The following UNC79 variants were observed in gnomAD, a reference collection of about 807,000 sequenced individuals.
The protein encoded by UNC79 is unc-79 subunit of NALCN channel complex.
UNC79 carries 37 observed loss-of-function variants against 283.1 expected under a neutral mutation model. The observed-to-expected ratio is 0.13, with a 90% CI of 0.10 to 0.17. The LOEUF (loss-of-function observed/expected upper bound fraction) is 0.17, where lower values mean the gene tolerates loss of function less well. Ranked by LOEUF, UNC79 falls within the 10% of genes least tolerant of loss-of-function variation. UNC79 has a pLI of 1.00. For synonymous variants in UNC79, 1,107 were observed against 1,200.2 expected (o/e 0.92, Z 1.61); for missense variants, 2,272 against 3,211.1 (o/e 0.71, Z 7.07).
At chr14:93,614,182 G>A (rs1159549131) in intron 27 of UNC79, among the ~76,000 whole-genome samples, 1 of 151,954 alleles carries the variant, frequency 6.6e-6, no homozygotes, top group East Asian at 1.9e-4. Context: ...GTAATTTTAT[G>A]TTATTGTGTA....
In UNC79 at chr14:93,617,432, TATGCAATTACTGTTAA is replaced by T; in HGVS notation, c.4224+129_4224+144del. On this transcript the variant is annotated intron_variant, in intron 28 of 48. Coordinates refer to ENST00000555664, the Ensembl canonical transcript of UNC79. The surrounding 1 kb of genome is among the most constrained non-coding windows in gnomAD (Gnocchi z 4.5). ...TTGACCTTCAGAAGGAAGATCAGGA[TATGCAATTACTGTTAA>T]GAACCAAAGAGCTATTGAAATGAAA... 1.0e-6 allele frequency: 1 copy of T among 990,592 alleles called. No individual in the cohort carries two copies. Among genetic ancestry groups the T allele is most frequent in the Non-Finnish European group, 1.5e-6 (1 of 689,264 alleles). The allele number at this position is 990,592 out of a possible 1,614,324, so 61.4% of individuals were successfully genotyped here. A position where few individuals can be genotyped will look rare whatever the true frequency, so the allele number is the denominator to read the frequency against.
intron 41 of UNC79, among the ~76,000 whole-genome samples, chr14:93,677,903 C>T (rs1288551903): frequency 6.6e-6 from 1 of 152,212 alleles, no homozygotes; most frequent in Admixed American, 6.5e-5. Flanking sequence ...CTGCCTCGGC[C>T]TCCCAAAGTG....
intron 26 of UNC79, among the ~76,000 whole-genome samples, chr14:93,606,666 A>T (rs1484645100): frequency 6.6e-6 from 1 of 152,048 alleles, no homozygotes; most frequent in African/African-American, 2.4e-5. Flanking sequence ...ATACAACAAG[A>T]TTTAAATTTA....
At chr14:93,420,409 A>G (rs374907939) in intron 1 of UNC79, among the ~76,000 whole-genome samples, 1 of 151,700 alleles carries the variant, frequency 6.6e-6, no homozygotes, top group Non-Finnish European at 1.5e-5. Context: ...CAGCAAGAGG[A>G]TATAGTAAAT....
chr14:93,494,254 G>T (rs976382299), intron 5 of UNC79, among the ~76,000 whole-genome samples: 3 of 152,050 alleles, frequency 2.0e-5, no homozygotes, highest in African/African-American at 7.2e-5. Context: ...CAGCACCAAA[G>T]GGATGGTGCT....
chr14:93,568,180 A>T (rs1006203074), intron 14 of UNC79, among the ~76,000 whole-genome samples: 1 of 152,122 alleles, frequency 6.6e-6, no homozygotes, highest in African/African-American at 2.4e-5. Flanking sequence ...ATGACTATTA[A>T]TGGGTCTTAA....
intron 13 of UNC79, among the ~76,000 whole-genome samples, chr14:93,541,623 T>C (rs1184114156): frequency 6.6e-6 from 1 of 152,174 alleles, no homozygotes; most frequent in African/African-American, 2.4e-5. Context: ...GCAAGGACAA[T>C]GTTTTATTTA....
intron 22 of UNC79, among the ~76,000 whole-genome samples, chr14:93,591,466 A>G (rs2064671856): frequency 6.6e-6 from 1 of 152,270 alleles, no homozygotes; most frequent in Non-Finnish European, 1.5e-5. Flanking sequence ...TGTATGTTTT[A>G]TGCATTATTT....
intron 16 of UNC79, 37 bp from the exon 17 acceptor site, chr14:93,575,021 A>G (rs765160725): frequency 5.1e-6 from 8 of 1,571,364 alleles, no homozygotes; most frequent in Non-Finnish European, 6.9e-6. Context: ...TAAAATTTAC[A>G]TGTGTTTTTT....
chr14:93,670,207 CA>C (rs766715886), intron 40 of UNC79, among the ~76,000 whole-genome samples: 9 of 152,104 alleles, frequency 5.9e-5, no homozygotes, highest in Non-Finnish European at 1.0e-4. Flanking sequence ...TTCTTCCCAC[CA>C]AAAAGCAAGC....
intron 40 of UNC79, among the ~76,000 whole-genome samples, chr14:93,663,910 TTTC>T (rs1323686735): frequency 0.027 from 4,152 of 152,296 alleles, 204 homozygotes; most frequent in African/African-American, 0.095. Context: ...AAGTTTATAC[TTTC>T]TATGTTGTAC....
At chr14:93,586,955 T>C (rs2064262780) in intron 22 of UNC79, 47 bp downstream of exon 22, 2 of 1,586,406 alleles carry the variant, frequency 1.3e-6, no homozygotes, top group Non-Finnish European at 8.6e-7. Flanking sequence ...CATTAGGCTT[T>C]AGTTGTGAAA....
chr14:93,544,356 G>A (rs184253639), intron 14 of UNC79, among the ~76,000 whole-genome samples: 24 of 152,274 alleles, frequency 1.6e-4, no homozygotes, highest in African/African-American at 4.6e-4. Context: ...AGGTTCCATT[G>A]GGTTTTTTAA....
chr14:93,596,652 C>T (rs2065104474), intron 23 of UNC79, among the ~76,000 whole-genome samples: 1 of 151,976 alleles, frequency 6.6e-6, no homozygotes, highest in African/African-American at 2.4e-5. Context: ...CAAAACAAAA[C>T]CAACAAACAA....
chr14:93,519,559 A>C (rs1044503200), intron 7 of UNC79, among the ~76,000 whole-genome samples: 2 of 151,880 alleles, frequency 1.3e-5, no homozygotes, highest in African/African-American at 4.8e-5. Context: ...ATTGAAGCCT[A>C]TCATGATACA....
At chr14:93,685,003 G>A (rs941626386) in intron 42 of UNC79, among the ~76,000 whole-genome samples, 2 of 152,180 alleles carry the variant, frequency 1.3e-5, no homozygotes, top group African/African-American at 4.8e-5. Flanking sequence ...TAGAAAAAAA[G>A]GAGGAGGGAT....
chr14:93,493,193 G>A (rs986004864), intron 5 of UNC79, among the ~76,000 whole-genome samples: 1 of 152,138 alleles, frequency 6.6e-6, no homozygotes, highest in African/African-American at 2.4e-5. Flanking sequence ...CCTACAAGGG[G>A]GGGCGGTTCA....
At chr14:93,361,205 C>CT (rs1449181174) in intron 1 of UNC79, among the ~76,000 whole-genome samples, 3 of 89,174 alleles carry the variant, frequency 3.4e-5, no homozygotes, top group African/African-American at 4.8e-5. Context: ...GAGCAAGACT[C>CT]TGTCTCAAAA....
intron 14 of UNC79, among the ~76,000 whole-genome samples, chr14:93,569,236 G>A (rs888378953): frequency 1.3e-5 from 2 of 152,126 alleles, no homozygotes; most frequent in Admixed American, 1.3e-4. Flanking sequence ...AGGAGATGGA[G>A]ACCATCCTGG....
Sources: allele counts gnomAD v4.1 joint callset (sites outside exome capture counted in the v4.1 genomes callset), GRCh38; gene constraint gnomAD v4.1.1; non-coding constraint Gnocchi (gnomAD v3.1); transcripts MANE v1.5; gene names NCBI Gene and HGNC (gene_info 2026-07-23, HGNC 2026-07-21).